Variants in C1orf21 observed in about 807,000 individuals in gnomAD.
C1orf21 encodes the protein uncharacterized protein C1orf21.
In C1orf21, 3 loss-of-function variants were observed where a neutral mutation model predicts 18.7. The observed-to-expected ratio is 0.16, with a 90% CI of 0.07 to 0.42. The LOEUF is 0.42. C1orf21 is among the 10% of genes least tolerant of loss of function. C1orf21 has a pLI of 0.99. For missense variants in C1orf21, 104 were observed against 143.6 expected (o/e 0.72, Z 1.41); for synonymous variants, 41 against 46.4 (o/e 0.88, Z 0.47).
rs1306680167 is a variant in C1orf21, at chr1:184,413,532, A to G, written c.-125+26164A>G. Among the ~76,000 whole-genome samples, 5 of 152,182 alleles carry G rather than the reference A, an allele frequency of 3.3e-5. No homozygotes were observed. In the East Asian group the frequency reaches 9.6e-4, roughly 29 times the overall value. ...TATTTCTTTCTTGTTTTGACCAGCT[A>G]TAGAGGTTGGCAGTAAGTCTCTGAA... is the stretch of plus-strand genomic sequence containing the variant. On this transcript the variant is annotated intron_variant, in intron 1 of 5. Coordinates refer to ENST00000235307, the MANE Select transcript of C1orf21 (RefSeq NM_030806.4).
In C1orf21 at chr1:184,624,520, G is replaced by C. The variant is rs966942969; in HGVS notation, c.*4964G>C. The C allele has an allele frequency of 1.3e-5, 2 of 152,110 alleles. No homozygotes were observed. Among genetic ancestry groups the C allele is most frequent in the African/African-American group, 4.8e-5 (2 of 41,410 alleles). 9.4% of individuals were successfully genotyped at this position (152,110 alleles called of 1,614,324 possible). A position where few individuals can be genotyped will look rare whatever the true frequency, so the allele number is the denominator to read the frequency against. On this transcript the variant is annotated 3_prime_UTR_variant, in exon 6 of 6. Coordinates refer to ENST00000235307, the MANE Select transcript of C1orf21 (RefSeq NM_030806.4). ...TTCATCACAAACTGTATCTTTTTAA[G>C]GTTAAAAGTCTTGACCTTCATGGGG...
At chr1:184,472,059 C>T (rs73063542) in intron 1 of C1orf21, among the ~76,000 whole-genome samples, 105 of 152,154 alleles carry the variant, frequency 6.9e-4, no homozygotes, top group African/African-American at 2.5e-3. Flanking sequence ...CTTCTTCCCC[C>T]TCGGTGGGCT....
Position 184,504,741 on chromosome 1 carries a change from C to T in C1orf21, c.95-2847C>T, listed in dbSNP as rs564132788. Among the ~76,000 whole-genome samples, 77 of 152,204 alleles carry T rather than the reference C, an allele frequency of 5.1e-4. 1 individual carries two copies. The highest frequency in any genetic ancestry group is 1.6e-3 in the African/African-American group (66 of 41,534). Reference sequence around the variant, plus strand: ...GTTTTATACCGTGATGGATTTTGTGCGGTGTGTTGTGTAAGTAATAATGAT... The same window carrying T: ...GTTTTATACCGTGATGGATTTTGTGTGGTGTGTTGTGTAAGTAATAATGAT... On this transcript the variant is annotated intron_variant, in intron 2 of 5. Coordinates refer to ENST00000235307, the MANE Select transcript of C1orf21 (RefSeq NM_030806.4).
At chr1:184,576,291 A>T (rs1474789102) in intron 3 of C1orf21, among the ~76,000 whole-genome samples, 1 of 152,026 alleles carries the variant, frequency 6.6e-6, no homozygotes, top group Non-Finnish European at 1.5e-5. Context: ...CATCCAGCTA[A>T]TTTTTGTATT....
intron 3 of C1orf21, among the ~76,000 whole-genome samples, chr1:184,588,931 A>C (rs1366512850): frequency 6.6e-6 from 1 of 152,120 alleles, no homozygotes; most frequent in Admixed American, 6.5e-5. Flanking sequence ...GCTTCTTCTC[A>C]GTCCTGCTTG....
chr1:184,568,725 G>T (rs1409087850), intron 3 of C1orf21, among the ~76,000 whole-genome samples: 1 of 152,156 alleles, frequency 6.6e-6, no homozygotes, highest in East Asian at 1.9e-4. Context: ...TTTCTCCCAT[G>T]GAGCCACAGT....
intron 1 of C1orf21, among the ~76,000 whole-genome samples, chr1:184,412,859 G>T (rs1035749729): frequency 6.6e-6 from 1 of 152,118 alleles, no homozygotes; most frequent in African/African-American, 2.4e-5. Context: ...ATATATCATT[G>T]CTTTGGACAA....
Position 184,463,407 on chromosome 1 carries a change from G to C in C1orf21, c.-124-13979G>C, listed in dbSNP as rs541480360. On this transcript the variant is annotated intron_variant, in intron 1 of 5. Transcript: ENST00000235307. ...TTATTCAGAGAATAATTACTACTTTGTGTAATTATACTCTCAACATTTGAC... is the reference window on the plus strand; with the variant it reads ...TTATTCAGAGAATAATTACTACTTTCTGTAATTATACTCTCAACATTTGAC... 2.0e-5 allele frequency among the ~76,000 whole-genome samples: 3 copies of C among 152,122 alleles called. No homozygotes were observed. The South Asian group carries it at 6.2e-4, about 32-fold the overall frequency.
At chr1:184,439,794 A>G (rs1220179475) in intron 1 of C1orf21, among the ~76,000 whole-genome samples, 1 of 152,206 alleles carries the variant, frequency 6.6e-6, no homozygotes, top group African/African-American at 2.4e-5. Flanking sequence ...CTATTAAAAA[A>G]CAAAAAACCA....
At chr1:184,538,479 T>C (rs1658594486) in intron 3 of C1orf21, among the ~76,000 whole-genome samples, 1 of 151,986 alleles carries the variant, frequency 6.6e-6, no homozygotes, top group South Asian at 2.1e-4. Flanking sequence ...TGAAATCCAA[T>C]TTTTTTTCTT....
chr1:184,391,700 T>C (rs373770815), intron 1 of C1orf21, among the ~76,000 whole-genome samples: 9 of 152,176 alleles, frequency 5.9e-5, no homozygotes, highest in African/African-American at 2.2e-4. Context: ...TCTCAAATTA[T>C]TGAAATTTCT....
intron 1 of C1orf21, among the ~76,000 whole-genome samples, chr1:184,427,501 G>A (rs1287538809): frequency 6.6e-6 from 1 of 152,112 alleles, no homozygotes; most frequent in African/African-American, 2.4e-5. Flanking sequence ...GTTAGGGGTA[G>A]GAAAGAAGTG....
intron 1 of C1orf21, among the ~76,000 whole-genome samples, chr1:184,475,339 G>GC (rs1054005981): frequency 2.6e-5 from 4 of 151,740 alleles, no homozygotes; most frequent in Non-Finnish European, 4.4e-5. Context: ...CCTCAGCCCT[G>GC]CCCCCCCATC....
chr1:184,495,930 A>G (rs1332835807), intron 2 of C1orf21, among the ~76,000 whole-genome samples: 2 of 151,950 alleles, frequency 1.3e-5, no homozygotes, highest in East Asian at 1.9e-4. Context: ...AAAAAAAAAA[A>G]AAAAAAAAAA....
At chr1:184,584,606 G>A (rs1659328059) in intron 3 of C1orf21, among the ~76,000 whole-genome samples, 1 of 152,166 alleles carries the variant, frequency 6.6e-6, no homozygotes, top group African/African-American at 2.4e-5. Context: ...TCTACAAAAA[G>A]ACTTCTATCT....
chr1:184,450,687 T>C (rs916140566), intron 1 of C1orf21, among the ~76,000 whole-genome samples: 6 of 152,328 alleles, frequency 3.9e-5, no homozygotes, highest in Non-Finnish European at 8.8e-5. Flanking sequence ...TTCTGCCATG[T>C]CCATATCAAT....
intron 1 of C1orf21, among the ~76,000 whole-genome samples, chr1:184,423,642 G>A (rs1411406758): frequency 6.6e-6 from 1 of 152,132 alleles, no homozygotes; most frequent in East Asian, 1.9e-4. Flanking sequence ...CCATTCTGCA[G>A]CACCCCTTAC....
intron 1 of C1orf21, among the ~76,000 whole-genome samples, chr1:184,451,422 C>T (rs1487792595): frequency 1.3e-5 from 2 of 151,280 alleles, no homozygotes; most frequent in East Asian, 3.9e-4. Flanking sequence ...TCTCAGGTAG[C>T]TGGGACTGTA....
chr1:184,582,128 A>G (rs1189193280), intron 3 of C1orf21, among the ~76,000 whole-genome samples: 1 of 152,234 alleles, frequency 6.6e-6, no homozygotes, highest in Admixed American at 6.5e-5. Flanking sequence ...ACCATCATTC[A>G]GAAGACAAGA....
Sources: gnomAD v4.1 joint callset for allele counts (sites outside exome capture counted in the v4.1 genomes callset) on GRCh38, gnomAD v4.1.1 for gene constraint, MANE v1.5 for transcripts, NCBI Gene and HGNC (gene_info 2026-07-23, HGNC 2026-07-21) for gene names.